NTAN1: variants seen among roughly 807,000 people sequenced by gnomAD.
NTAN1 encodes N-terminal asparagine amidase.
In NTAN1, 32 loss-of-function variants were observed where a neutral mutation model predicts 41.9. That is an observed-to-expected ratio of 0.76 (90% CI 0.58 to 1.03). NTAN1 has a LOEUF of 1.03. Among genes scored for constraint, NTAN1 ranks in the 50% least tolerant of loss-of-function variants. The pLI is 0.00. For synonymous variants in NTAN1, 140 were observed against 139.5 expected (o/e 1.00, Z -0.03); for missense variants, 377 against 377.5 (o/e 1.00, Z 0.01).
intron 5 of NTAN1, among the ~76,000 whole-genome samples, chr16:15,041,945 A>G (rs533719533): frequency 6.6e-6 from 1 of 152,272 alleles, no homozygotes; most frequent in African/African-American, 2.4e-5. Context: ...CTTCATTCTG[A>G]GAGTTTTGCG....
chr16:15,041,936 T>G (rs1386882297), intron 5 of NTAN1, among the ~76,000 whole-genome samples: 1 of 152,224 alleles, frequency 6.6e-6, no homozygotes, highest in East Asian at 1.9e-4. Context: ...CATTTTTCTC[T>G]TCATTCTGAG....
chr16:15,049,801 A>C (rs2151722268), intron 1 of NTAN1, among the ~76,000 whole-genome samples: 1 of 152,362 alleles, frequency 6.6e-6, no homozygotes, highest in East Asian at 1.9e-4. Context: ...GAACCAAGTC[A>C]CAGCCACTAA....
At chr16:15,041,717 T>A in intron 5 of NTAN1, 41 bp from the exon 6 acceptor site, 1 of 1,455,874 alleles carries the variant, frequency 6.9e-7, no homozygotes, top group Non-Finnish European at 9.7e-7. Flanking sequence ...GAAAAGTTCC[T>A]CTAGTTACCA....
At chr16:15,040,564 T>C (rs924979454) in intron 7 of NTAN1, 7 of 173,228 alleles carry the variant, frequency 4.0e-5, no homozygotes, top group Non-Finnish European at 7.3e-5. Flanking sequence ...CATGATGCCT[T>C]TTCCGCGGGA....
At chr16:15,038,894 C>T (rs760922537) in intron 8 of NTAN1, among the ~76,000 whole-genome samples, 5 of 152,192 alleles carry the variant, frequency 3.3e-5, no homozygotes, top group Non-Finnish European at 5.9e-5. Context: ...GACTGCTGAG[C>T]GCCAACAGCA....
In NTAN1 at chr16:15,037,872, T is replaced by TTTTA. The variant is rs1407219607; in HGVS notation, c.*155_*158dup. ...AACAAATGCCTTTGCCAAAATAAGG[T>TTTTA]TTTATTTTGAAAGTCATTTGATGAA... On this transcript the variant is annotated 3_prime_UTR_variant, in exon 10 of 10. Transcript: ENST00000287706. The TTTTA allele has an allele frequency of 1.9e-6, 1 of 535,924 alleles. No individual in the cohort carries two copies. Among genetic ancestry groups the TTTTA allele is most frequent in the East Asian group, 3.0e-5 (1 of 33,528 alleles). 33.2% of individuals were successfully genotyped at this position (535,924 alleles called of 1,614,324 possible). A position where few individuals can be genotyped will look rare whatever the true frequency, so the allele number is the denominator to read the frequency against.
At chr16:15,055,842 C>G (rs972734238) in intron 1 of NTAN1, 49 bp downstream of exon 1, 13 of 1,029,490 alleles carry the variant, frequency 1.3e-5, no homozygotes, top group Admixed American at 4.3e-5. Flanking sequence ...GCCCGCCCTG[C>G]AGCTTCCCCT....
chr16:15,050,449 G>A (rs1199522384), intron 1 of NTAN1, among the ~76,000 whole-genome samples: 2 of 152,110 alleles, frequency 1.3e-5, no homozygotes, highest in Admixed American at 6.6e-5. Flanking sequence ...AAACATAAGA[G>A]CAGCTGGGTG....
intron 8 of NTAN1, among the ~76,000 whole-genome samples, chr16:15,039,422 C>T (rs545584215): frequency 7.2e-5 from 11 of 152,272 alleles, no homozygotes; most frequent in African/African-American, 2.4e-4. Context: ...TTAAAGAATT[C>T]TTTCACCCAT....
chr16:15,049,249 A>C (rs2044204369), intron 1 of NTAN1, among the ~76,000 whole-genome samples: 1 of 152,002 alleles, frequency 6.6e-6, no homozygotes, highest in Non-Finnish European at 1.5e-5. Context: ...GGCTGGTCTC[A>C]AACTCTTGGA....
intron 4 of NTAN1, chr16:15,044,671 G>A: frequency 1.9e-6 from 1 of 524,864 alleles, no homozygotes; most frequent in Non-Finnish European, 3.4e-6. Flanking sequence ...TGCACCAGTG[G>A]GGAACTTTGC....
chr16:15,038,286 T>A (rs757343332), intron 9 of NTAN1, 76 bp from the exon 10 acceptor site: 38 of 1,062,052 alleles, frequency 3.6e-5, no homozygotes, highest in Non-Finnish European at 5.1e-5. Context: ...TCAAAGTATC[T>A]TTGTTCTTGG....
In NTAN1 at chr16:15,044,339, A is replaced by C; in HGVS notation, c.428T>G (p.Leu143Arg). The C allele has an allele frequency of 1.2e-6, 2 of 1,607,002 alleles. No homozygotes were observed. Among genetic ancestry groups the C allele is most frequent in the Non-Finnish European group, 1.7e-6 (2 of 1,173,670 alleles). ...RQLSQKLTHQ[L>R]LSEFDRQEDD... is the part of the protein sequence containing the mutation. ...GAAAAAAAAAATGAACTTACTAAGA[A>C]GTTGATGAGTGAGTTTTTGTGACAA... The change falls in exon 5 of 10, where the codon CTT becomes CGT. Residue 143 changes from leucine (L) to arginine (R), a missense_variant. Transcript: ENST00000287706.
At chr16:15,038,476 GGGAAAGCAGCTAT>G in intron 9 of NTAN1, 85 bp downstream of exon 9, 1 of 722,918 alleles carries the variant, frequency 1.4e-6, no homozygotes, top group South Asian at 1.8e-5. Context: ...ACCCGCCAAA[GGGAAAGCAGCTAT>G]GACCTGGTCT....
Position 15,038,073 on chromosome 16 carries a change from A to T in NTAN1, c.891T>A (p.Asn297Lys), listed in dbSNP as rs778222638. 23 of 1,603,252 alleles carry T rather than the reference A, an allele frequency of 1.4e-5. No individual in the cohort carries two copies. Among genetic ancestry groups the T allele is most frequent in the African/African-American group, 6.7e-5 (5 of 74,576 alleles). ...AGATCTTTTCCCACAAGCCATCTTC[A>T]TTTTTTTTGTAGAGTAGGGCTTTAT... ...SGNKALLYKK[N>K]EDGLWEKISS... Residue 297 changes from asparagine (N) to lysine (K), a missense_variant, in exon 10 of 10, where the codon AAT (asparagine) becomes AAA (lysine). By Grantham distance (94) the Asn-to-Lys change is moderately conservative. Transcript: ENST00000287706.
Position 15,041,208 on chromosome 16 carries a change from C to A in NTAN1, c.488-87G>T. ...TTGTATAATAAAGGCGAAGGAGGAGCTCCTCGATGCAGAAAGGGAGGAAAA... is the reference window on the plus strand; with the variant it reads ...TTGTATAATAAAGGCGAAGGAGGAGATCCTCGATGCAGAAAGGGAGGAAAA... On this transcript the variant is annotated intron_variant, in intron 6 of 9. Transcript: ENST00000287706. 6.8e-6 allele frequency: 6 copies of A among 887,898 alleles called. No homozygotes were observed. In the South Asian group the frequency reaches 8.1e-5, roughly 12 times the overall value. The allele number at this position is 887,898 out of a possible 1,614,324, so 55.0% of individuals were successfully genotyped here.
chr16:15,048,711 CCT>C (rs1375445937), intron 1 of NTAN1, among the ~76,000 whole-genome samples: 9 of 152,192 alleles, frequency 5.9e-5, no homozygotes, highest in Admixed American at 2.0e-4. Context: ...GCAGCCTCCA[CCT>C]CCCAGGCTCA....
chr16:15,047,299 G>A (rs1207707433), intron 4 of NTAN1, 143 bp downstream of exon 4: 7 of 646,490 alleles, frequency 1.1e-5, no homozygotes, highest in African/African-American at 7.2e-5. Flanking sequence ...CAGTGCCCAC[G>A]TCGTGCCAGG....
At chr16:15,055,810 G>T in intron 1 of NTAN1, 81 bp downstream of exon 1, 4 of 744,836 alleles carry the variant, frequency 5.4e-6, no homozygotes, top group Non-Finnish European at 7.4e-6. Context: ...TTTCAAGTCT[G>T]TGTCGCGTGA....
Sources: allele counts gnomAD v4.1 joint callset (sites outside exome capture counted in the v4.1 genomes callset), GRCh38; gene constraint gnomAD v4.1.1; transcripts MANE v1.5; gene names NCBI Gene and HGNC (gene_info 2026-07-23, HGNC 2026-07-21).